MAGI3: variants seen among roughly 807,000 people sequenced by gnomAD.
MAGI3 encodes the protein membrane-associated guanylate kinase, WW and PDZ domain-containing protein 3.
MAGI3 carries 43 observed loss-of-function variants against 121.8 expected under a neutral mutation model. That is an observed-to-expected ratio of 0.35 (90% CI 0.28 to 0.46). The LOEUF is 0.46. Ranked by LOEUF, MAGI3 falls within the 20% of genes least tolerant of loss-of-function variation. MAGI3 has a pLI of 1.00. For synonymous variants in MAGI3, 553 were observed against 639.3 expected, an observed-to-expected ratio of 0.86 and a Z score of 2.04; for missense variants, 1,547 against 1,797.3, an observed-to-expected ratio of 0.86 and a Z score of 2.52.
chr1:113,528,676 T>C (rs928418332), intron 1 of MAGI3, among the ~76,000 whole-genome samples: 1 of 152,210 alleles, frequency 6.6e-6, no homozygotes, highest in Non-Finnish European at 1.5e-5. Flanking sequence ...TTGCTAATTC[T>C]ATCGTTCCTT....
At chr1:113,457,842 T>C (rs1654832464) in intron 1 of MAGI3, among the ~76,000 whole-genome samples, 1 of 152,148 alleles carries the variant, frequency 6.6e-6, no homozygotes, top group African/African-American at 2.4e-5. Context: ...AAGGTGACAT[T>C]TGAATTGAGT....
At chr1:113,545,185 A>G (rs189590824) in intron 1 of MAGI3, among the ~76,000 whole-genome samples, 1 of 152,248 alleles carries the variant, frequency 6.6e-6, no homozygotes, top group Non-Finnish European at 1.5e-5. Context: ...TATTGCAAAA[A>G]CCCAAGACCA....
At chr1:113,449,433 A>G (rs1654366316) in intron 1 of MAGI3, among the ~76,000 whole-genome samples, 1 of 151,878 alleles carries the variant, frequency 6.6e-6, no homozygotes, top group East Asian at 1.9e-4. Context: ...AATATTAAGA[A>G]AAAACAAATG....
intron 2 of MAGI3, among the ~76,000 whole-genome samples, chr1:113,565,759 A>C (rs1246342189): frequency 3.9e-5 from 6 of 152,188 alleles, no homozygotes; most frequent in Non-Finnish European, 8.8e-5. Context: ...TTTATGTAAG[A>C]AAGACCCACC....
intron 1 of MAGI3, among the ~76,000 whole-genome samples, chr1:113,488,093 T>C (rs916041794): frequency 2.0e-5 from 3 of 152,212 alleles, no homozygotes; most frequent in African/African-American, 7.2e-5. Context: ...TTTTTCTTGC[T>C]TTTTTTTACT....
chr1:113,585,307 G>T, intron 3 of MAGI3, 80 bp from the exon 4 acceptor site: 1 of 1,312,050 alleles, frequency 7.6e-7, no homozygotes, highest in Non-Finnish European at 1.1e-6. Context: ...GAAAAACAGG[G>T]CAGAGACATA....
intron 1 of MAGI3, among the ~76,000 whole-genome samples, chr1:113,539,394 A>G (rs72687967): frequency 0.035 from 5,011 of 144,890 alleles, 110 homozygotes; most frequent in Middle Eastern, 0.099. Flanking sequence ...TCCGTCTCAG[A>G]AAAAAAAAAA....
At position 113,450,218 on chromosome 1, in the gene MAGI3, G is replaced by A. The variant is rs192321234; in HGVS notation, c.316+58869G>A. 7.1e-5 allele frequency: 113 copies of A among 1,590,160 alleles called. No individual in the cohort carries two copies. In the East Asian group the frequency reaches 2.0e-3, roughly 29 times the overall value. On this transcript the variant is annotated intron_variant, in intron 1 of 20. Transcript: ENST00000307546. Reference sequence around the variant, plus strand: ...TACCACACTATTAATGGGCATAATTGTGAAGTGAAAAAGGCCCTTTCTAAA... The same window carrying A: ...TACCACACTATTAATGGGCATAATTATGAAGTGAAAAAGGCCCTTTCTAAA...
intron 1 of MAGI3, among the ~76,000 whole-genome samples, chr1:113,455,274 T>C (rs1654691377): frequency 1.3e-5 from 2 of 152,116 alleles, no homozygotes; most frequent in South Asian, 2.1e-4. Context: ...AGATCCTAAA[T>C]AGTGTGAGAG....
At chr1:113,475,960 G>A (rs1655797242) in intron 1 of MAGI3, among the ~76,000 whole-genome samples, 6 of 152,150 alleles carry the variant, frequency 3.9e-5, no homozygotes, top group Admixed American at 3.9e-4. Flanking sequence ...TCTTGGGAGG[G>A]TGTATGTGTC....
intron 1 of MAGI3, among the ~76,000 whole-genome samples, chr1:113,467,727 G>A (rs757720638): frequency 3.3e-5 from 5 of 151,934 alleles, no homozygotes; most frequent in African/African-American, 7.3e-5. Flanking sequence ...TAGAGACAGG[G>A]CCTTGTTATG....
chr1:113,445,391 C>G (rs976265656), intron 1 of MAGI3, among the ~76,000 whole-genome samples: 2 of 152,014 alleles, frequency 1.3e-5, no homozygotes, highest in Admixed American at 1.3e-4. Context: ...CATTTGAGGC[C>G]AGGAATTCAA....
At chr1:113,556,131 C>A (rs2101679780) in intron 2 of MAGI3, among the ~76,000 whole-genome samples, 1 of 151,914 alleles carries the variant, frequency 6.6e-6, no homozygotes, top group Admixed American at 6.6e-5. Flanking sequence ...ATGAAGATTT[C>A]AAATTAGTGA....
At chr1:113,445,461 G>T (rs1386014529) in intron 1 of MAGI3, among the ~76,000 whole-genome samples, 1 of 151,998 alleles carries the variant, frequency 6.6e-6, no homozygotes, top group Non-Finnish European at 1.5e-5. Flanking sequence ...TAAAAAAAAT[G>T]AGTCAGGTGT....
chr1:113,566,488 A>G (rs576110670), intron 2 of MAGI3, among the ~76,000 whole-genome samples: 1 of 152,238 alleles, frequency 6.6e-6, no homozygotes, highest in Non-Finnish European at 1.5e-5. Context: ...ATTTCATCCA[A>G]TAACAGCAGA....
rs191505029 is a variant in MAGI3, at chr1:113,481,056, C to T, written c.317-68459C>T. On this transcript the variant is annotated intron_variant, in intron 1 of 20. Coordinates refer to ENST00000307546, the MANE Select transcript of MAGI3 (RefSeq NM_001142782.2). ...AGATTCCTGTTTCATATTATCACTA[C>T]ATCCATATTACTTATACTATGCATC... Among the ~76,000 whole-genome samples, 1,173 of 152,292 alleles carry T rather than the reference C, an allele frequency of 7.7e-3. 8 individuals are homozygous for T. Among genetic ancestry groups the T allele is most frequent in the Admixed American group, 0.014 (219 of 15,302 alleles).
intron 6 of MAGI3, among the ~76,000 whole-genome samples, chr1:113,595,630 T>A (rs1648951274): frequency 1.3e-5 from 2 of 152,182 alleles, no homozygotes; most frequent in African/African-American, 4.8e-5. Flanking sequence ...TTGTTTAAAA[T>A]TCCCTCTACA....
At chr1:113,477,474 C>T (rs1192948351) in intron 1 of MAGI3, among the ~76,000 whole-genome samples, 1 of 152,094 alleles carries the variant, frequency 6.6e-6, no homozygotes, top group Non-Finnish European at 1.5e-5. Context: ...TTTATTTCTC[C>T]TTCACTTATG....
chr1:113,611,275 T>G (rs1473338893), intron 6 of MAGI3, among the ~76,000 whole-genome samples: 1 of 151,754 alleles, frequency 6.6e-6, no homozygotes, highest in African/African-American at 2.4e-5. Context: ...TTAGTAGAGA[T>G]AGGGGTTTCA....
Sources: gnomAD v4.1 joint callset for allele counts (sites outside exome capture counted in the v4.1 genomes callset) on GRCh38, gnomAD v4.1.1 for gene constraint, MANE v1.5 for transcripts, NCBI Gene and HGNC (gene_info 2026-07-23, HGNC 2026-07-21) for gene names.